SLC12A4: variants seen among roughly 807,000 people sequenced by gnomAD.
SLC12A4 encodes the protein electroneutral potassium-chloride cotransporter 1.
Under a neutral mutation model 119.2 loss-of-function variants are expected in SLC12A4, and 84 were observed. The ratio of observed to expected loss-of-function variants is 0.70; its 90% CI spans 0.59 to 0.85. The LOEUF (loss-of-function observed/expected upper bound fraction) is 0.85. SLC12A4 is among the 40% of genes least tolerant of loss of function. SLC12A4 has a pLI of 0.00. For synonymous variants in SLC12A4, 599 were observed against 604.6 expected (o/e 0.99, Z 0.14); for missense variants, 1,298 against 1,476.3 (o/e 0.88, Z 1.98).
rs755683274 is a variant in SLC12A4, at chr16:67,968,444, G to T, written c.110C>A (p.Ser37Ter). 6.4e-7 allele frequency: 1 copy of T among 1,572,658 alleles called. No individual in the cohort carries two copies. The highest frequency in any genetic ancestry group is 8.6e-7 in the Non-Finnish European group (1 of 1,165,720). ...DYGERAELDD[S>*]DGHGNHRESS... ...CCCTCAGAACGCGCCCTCACCGTCC[G>T]AGTCATCCAGCTCGGCGCGCTCCCC... The change falls in exon 1 of 24, where the codon TCG becomes TAG. Residue 37 changes from serine to a stop codon, truncating the protein, a stop_gained. Transcript: ENST00000316341. LOFTEE classifies it high-confidence loss of function.
At chr16:67,964,197 A>G in intron 1 of SLC12A4, 1 of 1,125,972 alleles carries the variant, frequency 8.9e-7, no homozygotes, top group Non-Finnish European at 1.2e-6. Flanking sequence ...TGGGTGTCGG[A>G]CTGAGCAGGG....
intron 1 of SLC12A4, chr16:67,966,771 C>G: frequency 6.4e-7 from 1 of 1,551,474 alleles, no homozygotes; most frequent in Non-Finnish European, 8.7e-7. Flanking sequence ...AGGGTGTCCC[C>G]CATCCTGTAG....
chr16:67,952,317 T>G lies in SLC12A4; in HGVS notation c.784A>C (p.Met262Leu), dbSNP rs779955208. ...ACCCCCACAAACACCACCAGGGTCA[T>G]GAAGGTCAGGAAAATGGTCCCATAC... ...RVYGTIFLTFMTLVVFVGVKY... is the reference protein window; with the variant it reads ...RVYGTIFLTFLTLVVFVGVKY... The change falls in exon 7 of 24, where the codon ATG becomes CTG. Residue 262 changes from methionine to leucine, a missense_variant. By Grantham distance (15) the Met-to-Leu change is conservative. Transcript: ENST00000316341. The G allele has an allele frequency of 1.9e-6, 3 of 1,613,870 alleles. 1 individual carries two copies. In the East Asian group the frequency reaches 6.7e-5, roughly 36 times the overall value.
chr16:67,944,802 C>T lies in SLC12A4; in HGVS notation c.*38G>A, dbSNP rs1017368386. On this transcript the variant is annotated 3_prime_UTR_variant, in exon 24 of 24. Transcript: ENST00000316341. The surrounding 1 kb of genome is among the most constrained non-coding windows in gnomAD (Gnocchi z 6.6). ...CAGACCACAGCTTGTTATGTCCTGG[C>T]CAAGACCTCGACTCCAGGCCACAAG... 6.2e-7 allele frequency: 1 copy of T among 1,607,942 alleles called. No homozygotes were observed. The highest frequency in any genetic ancestry group is 1.3e-5 in the African/African-American group (1 of 74,872).
At chr16:67,968,352 G>T (rs866580787) in intron 1 of SLC12A4, 87 bp downstream of exon 1, 1 of 1,241,424 alleles carries the variant, frequency 8.1e-7, no homozygotes, top group African/African-American at 1.6e-5. Flanking sequence ...GCAAGGTCCC[G>T]GGATAGGTGC....
At chr16:67,947,839 C>T in intron 14 of SLC12A4, 51 bp from the exon 15 acceptor site, 1 of 1,545,412 alleles carries the variant, frequency 6.5e-7, no homozygotes, top group Non-Finnish European at 8.7e-7. Flanking sequence ...GGACCCCTGG[C>T]CACAGCCTGG....
rs756290813 is a variant in SLC12A4, at chr16:67,948,043, G to A, written c.1847+18C>T. On this transcript the variant is annotated intron_variant, in intron 14 of 23. Coordinates refer to ENST00000316341, the MANE Select transcript of SLC12A4 (RefSeq NM_005072.5). Reference sequence around the variant, plus strand: ...TCCTGGCCTCCCCAGGGTCTCCCGTGTCAGAGGCATGGCTCACCAGTGATA... The same window carrying A: ...TCCTGGCCTCCCCAGGGTCTCCCGTATCAGAGGCATGGCTCACCAGTGATA... 4.3e-6 allele frequency: 7 copies of A among 1,611,660 alleles called. No homozygotes were observed. The highest frequency in any genetic ancestry group is 5.1e-6 in the Non-Finnish European group (6 of 1,178,722).
In SLC12A4 at chr16:67,961,724, G is replaced by A. The variant is rs532606823; in HGVS notation, c.211-18C>T. 1 of 1,613,782 alleles carries A rather than the reference G, an allele frequency of 6.2e-7. No homozygotes were observed. The highest frequency in any genetic ancestry group is 1.1e-5 in the South Asian group (1 of 91,070). ...AGCTCTTCCTGCAAACAGAGCCACA[G>A]GGCAAGATGGCATTGGGCCAGGTGG... On this transcript the variant is annotated intron_variant, in intron 2 of 23. Coordinates refer to ENST00000316341, the MANE Select transcript of SLC12A4 (RefSeq NM_005072.5).
intron 6 of SLC12A4, among the ~76,000 whole-genome samples, chr16:67,953,509 A>G (rs1247784554): frequency 6.6e-6 from 1 of 152,258 alleles, no homozygotes; most frequent in Non-Finnish European, 1.5e-5. Context: ...CCAAGGCAGA[A>G]AGCAGATTCC....
intron 3 of SLC12A4, among the ~76,000 whole-genome samples, 180 bp downstream of exon 3, chr16:67,961,395 C>A (rs1173614346): frequency 6.6e-6 from 1 of 152,142 alleles, no homozygotes; most frequent in East Asian, 1.9e-4. Flanking sequence ...CGGGGGGATT[C>A]TCATTAGGTC....
intron 3 of SLC12A4, among the ~76,000 whole-genome samples, chr16:67,961,195 T>C (rs2030541735): frequency 6.6e-6 from 1 of 152,196 alleles, no homozygotes; most frequent in African/African-American, 2.4e-5. Flanking sequence ...ACAAGTTCCT[T>C]AATGTCCCTG....
In SLC12A4 at chr16:67,951,760, T is replaced by C. The variant is rs1404689058; in HGVS notation, c.1132+63A>G. The C allele has an allele frequency of 4.2e-6, 6 of 1,415,414 alleles. No homozygotes were observed. The highest frequency in any genetic ancestry group is 2.0e-5 in the Admixed American group (1 of 50,698). 87.7% of individuals were successfully genotyped at this position (1,415,414 alleles called of 1,614,324 possible). On this transcript the variant is annotated intron_variant, in intron 8 of 23. Coordinates refer to ENST00000316341, the MANE Select transcript of SLC12A4 (RefSeq NM_005072.5). The surrounding 1 kb of genome is among the most constrained non-coding windows in gnomAD (Gnocchi z 5.2). ...CAAGCTGGCCACACAAGGACAGCTCTGTGCTCTGTGCCCCTGCTCAGCCTG... is the reference window on the plus strand; with the variant it reads ...CAAGCTGGCCACACAAGGACAGCTCCGTGCTCTGTGCCCCTGCTCAGCCTG...
chr16:67,951,719 G>A lies in SLC12A4; in HGVS notation c.1132+104C>T. 9.2e-7 allele frequency: 1 copy of A among 1,092,104 alleles called. No homozygotes were observed. Among genetic ancestry groups the A allele is most frequent in the East Asian group, 2.6e-5 (1 of 38,720 alleles). The allele number at this position is 1,092,104 out of a possible 1,614,324, so 67.7% of individuals were successfully genotyped here. ...CACTGGGGGGCTGGGAAGGCGGCCA[G>A]TCCTGCCCCCGTTCCCAAGCTGGCC... On this transcript the variant is annotated intron_variant, in intron 8 of 23. Transcript: ENST00000316341. The surrounding 1 kb of genome is among the most constrained non-coding windows in gnomAD (Gnocchi z 5.2).
chr16:67,948,548 G>A (rs1029927468), intron 13 of SLC12A4, among the ~76,000 whole-genome samples: 2 of 152,226 alleles, frequency 1.3e-5, no homozygotes, highest in Non-Finnish European at 2.9e-5. Flanking sequence ...TGGAAGATAA[G>A]CTGGACCATT....
chr16:67,949,570 G>A lies in SLC12A4; in HGVS notation c.1748+230C>T. 1 of 446,454 alleles carries A rather than the reference G, an allele frequency of 2.2e-6. No individual in the cohort carries two copies. The allele number at this position is 446,454 out of a possible 1,614,324, so 27.7% of individuals were successfully genotyped here. On this transcript the variant is annotated intron_variant, in intron 13 of 23. Transcript: ENST00000316341. This position sits in a 1 kb window ranked among gnomAD's most constrained non-coding sequence, Gnocchi z 4.6. ...CAGTGGGAAGGTCTGCCGGCCACCT[G>A]CTCTGGGGGCCTCAGGGAGGTGTGG... is the stretch of plus-strand genomic sequence containing the variant.
rs769452608 is a variant in SLC12A4, at chr16:67,945,524, G to A, written c.2877C>T (p.Ala959=). The A allele has an allele frequency of 1.9e-6, 3 of 1,613,944 alleles. No homozygotes were observed. In the Admixed American group the frequency reaches 5.0e-5, roughly 27 times the overall value. ...EAQLVKDRHS[A]LRLESLYSDE... is the part of the protein sequence containing the mutation. ...CCGAGTACAGGCTCTCCAGCCGCAG[G>A]GCCGAGTGCCGATCCTTGACCAGCT... The change falls in exon 22 of 24, where the codon GCC becomes GCT. Residue 959 remains alanine, a synonymous_variant. Coordinates refer to ENST00000316341, the MANE Select transcript of SLC12A4 (RefSeq NM_005072.5).
At position 67,952,219 on chromosome 16, in the gene SLC12A4, C is replaced by A; in HGVS notation, c.882G>T (p.Gly294=). 1.2e-6 allele frequency: 2 copies of A among 1,614,050 alleles called. No homozygotes were observed. Among genetic ancestry groups the A allele is most frequent in the Non-Finnish European group, 1.7e-6 (2 of 1,180,030 alleles). The change falls in exon 7 of 24, where the codon GGG becomes GGT. Residue 294 remains glycine (G), a synonymous_variant. Transcript: ENST00000316341. ...GAGGGTCAAATATAGACTTTATGCCCCCAGCATAGATGGAGAGGATGGAGA... is the reference window on the plus strand; with the variant it reads ...GAGGGTCAAATATAGACTTTATGCCACCAGCATAGATGGAGAGGATGGAGA... ...VIISILSIYA[G]GIKSIFDPPV...
intron 13 of SLC12A4, 129 bp from the exon 14 acceptor site, chr16:67,948,288 A>C: frequency 1.3e-6 from 1 of 763,786 alleles, no homozygotes; most frequent in Non-Finnish European, 2.2e-6. Context: ...AGGTCTTCTC[A>C]ACCTCATTGC....
rs766323042 is a variant in SLC12A4, at chr16:67,951,032, C to T, written c.1326G>A (p.Gly442=). The change falls in exon 10 of 24, where the codon GGG becomes GGA. Residue 442 remains glycine (G), a synonymous_variant. Coordinates refer to ENST00000316341, the MANE Select transcript of SLC12A4 (RefSeq NM_005072.5). This position sits in a 1 kb window ranked among gnomAD's most constrained non-coding sequence, Gnocchi z 5.2. ...TAGACTTCTGGGCGTCACGAAGGTC[C>T]CCAGAGCGGTTTGAGCCAGCCATGA... ...TGIMAGSNRS[G]DLRDAQKSIP... 1 of 1,613,904 alleles carries T rather than the reference C, an allele frequency of 6.2e-7. No individual in the cohort carries two copies. Among genetic ancestry groups the T allele is most frequent in the Non-Finnish European group, 8.5e-7 (1 of 1,180,014 alleles).
Sources: allele counts gnomAD v4.1 joint callset (sites outside exome capture counted in the v4.1 genomes callset), GRCh38; gene constraint gnomAD v4.1.1; non-coding constraint Gnocchi (gnomAD v3.1); transcripts MANE v1.5; gene names NCBI Gene and HGNC (gene_info 2026-07-23, HGNC 2026-07-21).